Variants in SIPA1L1 observed in about 807,000 individuals in gnomAD.
SIPA1L1 encodes signal-induced proliferation-associated 1-like protein 1.
In SIPA1L1, 26 loss-of-function variants were observed where a neutral mutation model predicts 162.7. The observed-to-expected ratio is 0.16, with a 90% confidence interval of 0.12 to 0.22. The LOEUF (loss-of-function observed/expected upper bound fraction) is 0.22, where lower values mean the gene tolerates loss of function less well. SIPA1L1 is among the 10% of genes least tolerant of loss of function. SIPA1L1 has a pLI of 1.00. For missense variants in SIPA1L1, 1,874 were observed against 2,241.0 expected (o/e 0.84, Z 3.31); for synonymous variants, 829 against 837.4 (o/e 0.99, Z 0.17).
chr14:71,341,104 A>G (rs2035606701), intron 2 of SIPA1L1, among the ~76,000 whole-genome samples: 2 of 152,236 alleles, frequency 1.3e-5, no homozygotes, highest in African/African-American at 4.8e-5. Flanking sequence ...GTGGGGAGCA[A>G]CTTCCACAGT....
At chr14:71,437,819 A>G (rs1037205515) in intron 2 of SIPA1L1, among the ~76,000 whole-genome samples, 1 of 152,226 alleles carries the variant, frequency 6.6e-6, no homozygotes, top group Non-Finnish European at 1.5e-5. Flanking sequence ...GCAAGGCATC[A>G]TGCATACAGT....
intron 5 of SIPA1L1, among the ~76,000 whole-genome samples, chr14:71,599,739 G>A (rs7144829): frequency 0.83 from 126,959 of 152,134 alleles, 53,548 homozygotes; most frequent in African/African-American, 0.94. Flanking sequence ...CATCAACAGT[G>A]TATGAGTTCC....
chr14:71,432,468 C>T (rs946180978), intron 2 of SIPA1L1, among the ~76,000 whole-genome samples: 3 of 152,188 alleles, frequency 2.0e-5, no homozygotes, highest in African/African-American at 4.8e-5. Flanking sequence ...TAACAACCTA[C>T]AATCACACAA....
Position 71,671,581 on chromosome 14 carries a change from G to A in SIPA1L1, c.2718G>A (p.Gly906=), listed in dbSNP as rs751558474. The part of the protein sequence containing the change: ...VFNCSCRDVI[G]WTSTDTSLKI... The stretch of plus-strand genomic sequence containing the variant: ...ATTGTTCCTGTAGAGATGTGATAGG[G>A]TGGACTTCAACTGACACCAGCCTCA... The change falls in exon 11 of 24, where the codon GGG becomes GGA. Residue 906 remains glycine, a synonymous_variant. Transcript: ENST00000381232. 14 of 1,614,064 alleles carry A rather than the reference G, an allele frequency of 8.7e-6. No individual in the cohort carries two copies. The South Asian group carries it at 1.5e-4, about 18-fold the overall frequency.
At chr14:71,543,714 T>C (rs1461224468) in intron 4 of SIPA1L1, among the ~76,000 whole-genome samples, 1 of 151,258 alleles carries the variant, frequency 6.6e-6, no homozygotes, top group African/African-American at 2.4e-5. Context: ...TTTTTTTTTT[T>C]TGCAGTGTCT....
intron 4 of SIPA1L1, among the ~76,000 whole-genome samples, chr14:71,540,136 A>T (rs1270680232): frequency 1.3e-5 from 2 of 152,220 alleles, no homozygotes; most frequent in African/African-American, 2.4e-5. Context: ...GACATTTCTT[A>T]TAGCAGCCGA....
chr14:71,421,799 G>GA (rs1352549065), intron 2 of SIPA1L1, among the ~76,000 whole-genome samples: 1 of 152,044 alleles, frequency 6.6e-6, no homozygotes, highest in East Asian at 1.9e-4. Flanking sequence ...TTTTCCTGGG[G>GA]AATGTAGAAG....
At chr14:71,356,880 A>T (rs1474424160) in intron 2 of SIPA1L1, among the ~76,000 whole-genome samples, 1 of 151,856 alleles carries the variant, frequency 6.6e-6, no homozygotes, top group African/African-American at 2.4e-5. Context: ...GGTGAATACC[A>T]CTGCAAGTCA....
chr14:71,474,739 T>C (rs2047716172), intron 2 of SIPA1L1, among the ~76,000 whole-genome samples: 1 of 152,230 alleles, frequency 6.6e-6, no homozygotes, highest in Admixed American at 6.5e-5. Flanking sequence ...ATCTTCGGGC[T>C]TCACATAATA....
At chr14:71,425,718 T>C (rs888251001) in intron 2 of SIPA1L1, among the ~76,000 whole-genome samples, 2 of 152,126 alleles carry the variant, frequency 1.3e-5, no homozygotes, top group African/African-American at 4.8e-5. Flanking sequence ...GTTAGTTCAG[T>C]TGGTTTCTTG....
chr14:71,615,384 G>A (rs1001873217), intron 5 of SIPA1L1, among the ~76,000 whole-genome samples: 18 of 152,156 alleles, frequency 1.2e-4, no homozygotes, highest in Admixed American at 1.2e-3. Context: ...CGTAGTAGTT[G>A]GTCAGATTTG....
rs530519632 is a variant in SIPA1L1, at chr14:71,406,970, G to A, written c.-465+85789G>A. ...GAAAGTAACTAAAGTAGCTGGGCGCGGTGGCTCACACCTGTAATCCCAACA... is the reference window on the plus strand; with the variant it reads ...GAAAGTAACTAAAGTAGCTGGGCGCAGTGGCTCACACCTGTAATCCCAACA... On this transcript the variant is annotated intron_variant, in intron 2 of 23. Coordinates refer to ENST00000381232, the MANE Select transcript of SIPA1L1 (RefSeq NM_001386936.1). Among the ~76,000 whole-genome samples the A allele has an allele frequency of 3.0e-4, 45 of 152,186 alleles. 2 individuals carry two copies. In the South Asian group the frequency reaches 8.7e-3, roughly 29 times the overall value.
chr14:71,415,261 G>T (rs2042675956), intron 2 of SIPA1L1, among the ~76,000 whole-genome samples: 1 of 152,114 alleles, frequency 6.6e-6, no homozygotes, highest in Admixed American at 6.5e-5. Context: ...AGGGAAATTT[G>T]GGAATCATTA....
chr14:71,483,962 C>T (rs141263207), intron 2 of SIPA1L1, among the ~76,000 whole-genome samples: 52 of 152,312 alleles, frequency 3.4e-4, no homozygotes, highest in African/African-American at 1.2e-3. Context: ...ACCCTGTGTT[C>T]GCCTCTTTGG....
intron 2 of SIPA1L1, among the ~76,000 whole-genome samples, chr14:71,367,687 A>T (rs528363153): frequency 6.8e-6 from 1 of 146,798 alleles, no homozygotes; most frequent in Admixed American, 6.8e-5. Context: ...GCTCACTGCA[A>T]CCTCTGCCTC....
At chr14:71,419,783 C>T (rs1382336231) in intron 2 of SIPA1L1, among the ~76,000 whole-genome samples, 2 of 151,818 alleles carry the variant, frequency 1.3e-5, no homozygotes, top group Admixed American at 1.3e-4. Context: ...AGATGTGAGC[C>T]ACCGCGCCCG....
intron 2 of SIPA1L1, among the ~76,000 whole-genome samples, chr14:71,466,484 A>G (rs915829740): frequency 3.3e-5 from 5 of 151,960 alleles, no homozygotes; most frequent in Admixed American, 6.6e-5. Flanking sequence ...CTAAGGAAAC[A>G]TTAGCTTCAG....
chr14:71,723,177 T>G (rs2083904873), intron 17 of SIPA1L1, among the ~76,000 whole-genome samples: 1 of 152,256 alleles, frequency 6.6e-6, no homozygotes, highest in African/African-American at 2.4e-5. Context: ...CCCTTGGCCT[T>G]GGATGTGAGT....
At chr14:71,498,037 G>T (rs1161461758) in intron 2 of SIPA1L1, 2 of 152,196 alleles carry the variant, frequency 1.3e-5, no homozygotes, top group Non-Finnish European at 2.9e-5. Context: ...ATTTTAATAG[G>T]TGTGAGTGGG....
Sources: allele counts gnomAD v4.1 joint callset (sites outside exome capture counted in the v4.1 genomes callset), GRCh38; gene constraint gnomAD v4.1.1; transcripts MANE v1.5; gene names NCBI Gene and HGNC (gene_info 2026-07-23, HGNC 2026-07-21).